The following FRS2 variants were observed in gnomAD, a reference collection of about 807,000 sequenced individuals.
The protein encoded by FRS2 is fibroblast growth factor receptor substrate 2.
A neutral mutation model predicts 43.9 loss-of-function variants in FRS2; 8 were observed. That is an observed-to-expected ratio of 0.18 (90% CI 0.11 to 0.33). The LOEUF is 0.33. Ranked by LOEUF, FRS2 falls within the 10% of genes least tolerant of loss-of-function variation. The probability of loss-of-function intolerance (pLI) is 1.00; values close to 1 mark genes in which losing one functional copy is unlikely to be tolerated. For synonymous variants in FRS2, 219 were observed against 220.3 expected, an observed-to-expected ratio of 0.99 and a Z score of 0.05; for missense variants, 534 against 627.6, an observed-to-expected ratio of 0.85 and a Z score of 1.59.
At chr12:69,544,067 C>T (rs1747890978) in intron 3 of FRS2, among the ~76,000 whole-genome samples, 1 of 85,406 alleles carries the variant, frequency 1.2e-5, no homozygotes. Context: ...ATCTCTGTCT[C>T]ATTTTGTGGG....
intron 1 of FRS2, among the ~76,000 whole-genome samples, chr12:69,521,805 G>A (rs529029184): frequency 3.1e-3 from 466 of 152,110 alleles, no homozygotes; most frequent in African/African-American, 0.01. Context: ...TAGTAGAGAC[G>A]GGATTTCACT....
At chr12:69,573,304 CTT>C (rs1451726986) in intron 8 of FRS2, among the ~76,000 whole-genome samples, 14 of 152,050 alleles carry the variant, frequency 9.2e-5, no homozygotes, top group Non-Finnish European at 1.8e-4. Context: ...TAAGGATAAA[CTT>C]ATCTCTTTTC....
intron 3 of FRS2, among the ~76,000 whole-genome samples, chr12:69,560,865 C>T (rs1264914063): frequency 1.3e-5 from 2 of 152,110 alleles, no homozygotes; most frequent in Non-Finnish European, 2.9e-5. Context: ...ATATGTTTAA[C>T]TTCATTTCAA....
At chr12:69,522,234 G>C (rs939657006) in intron 1 of FRS2, among the ~76,000 whole-genome samples, 1 of 145,954 alleles carries the variant, frequency 6.9e-6, no homozygotes, top group Non-Finnish European at 1.5e-5. Flanking sequence ...GTGTGTGTGT[G>C]TGTCTCTGCC....
chr12:69,491,327 C>T (rs1167927523), intron 1 of FRS2, among the ~76,000 whole-genome samples: 1 of 152,086 alleles, frequency 6.6e-6, no homozygotes, highest in Non-Finnish European at 1.5e-5. Context: ...AACACCTGAG[C>T]TCCAGCGACC....
intron 1 of FRS2, among the ~76,000 whole-genome samples, chr12:69,510,183 C>T (rs1874326233): frequency 6.6e-6 from 1 of 152,126 alleles, no homozygotes; most frequent in Non-Finnish European, 1.5e-5. Context: ...CCTGACCCAT[C>T]TGTGGAGAAT....
At chr12:69,523,036 G>A (rs497131) in intron 1 of FRS2, among the ~76,000 whole-genome samples, 14,205 of 152,234 alleles carry the variant, frequency 0.093, 872 homozygotes, top group Non-Finnish European at 0.14. Context: ...GCCGTATGGC[G>A]ATAAGAAGAA....
intron 3 of FRS2, among the ~76,000 whole-genome samples, chr12:69,541,641 A>G (rs2135705708): frequency 6.6e-6 from 1 of 152,122 alleles, no homozygotes; most frequent in East Asian, 1.9e-4. Flanking sequence ...GCCTGGCAAC[A>G]TGGCGAAACT....
chr12:69,552,257 A>G (rs569550846), intron 3 of FRS2, among the ~76,000 whole-genome samples: 42 of 131,078 alleles, frequency 3.2e-4, no homozygotes, highest in African/African-American at 1.1e-3. Flanking sequence ...AGCCAAGATC[A>G]TGCCATTGCA....
At chr12:69,515,919 A>G (rs924489598) in intron 1 of FRS2, among the ~76,000 whole-genome samples, 6 of 141,796 alleles carry the variant, frequency 4.2e-5, no homozygotes, top group African/African-American at 1.6e-4. Flanking sequence ...AAGGTGTCAT[A>G]TCTAGGAGAA....
chr12:69,540,938 G>A (rs192057273), intron 3 of FRS2, among the ~76,000 whole-genome samples: 5 of 152,214 alleles, frequency 3.3e-5, no homozygotes, highest in East Asian at 1.9e-4. Context: ...GAGAGGAGAG[G>A]CATTCTACAA....
Position 69,574,523 on chromosome 12 carries a change from T to G in FRS2, c.1095T>G (p.Ser365Arg). Residue 365 changes from serine (S) to arginine (R), a missense_variant, in exon 9 of 9, where the codon AGT becomes AGG. Ser to Arg is a moderately radical substitution (Grantham distance 110). Coordinates refer to ENST00000549921, the MANE Select transcript of FRS2 (RefSeq NM_001278356.2). ...CTGTTTGGGAAGCCCGCAAGCTAAGTAGGGATGAAGATGACAATTTAGGAC... is the reference window on the plus strand; with the variant it reads ...CTGTTTGGGAAGCCCGCAAGCTAAGGAGGGATGAAGATGACAATTTAGGAC... ...LPPVWEARKL[S>R]RDEDDNLGPK... The G allele has an allele frequency of 6.2e-7, 1 of 1,614,094 alleles. No homozygotes were observed. Among genetic ancestry groups the G allele is most frequent in the Non-Finnish European group, 8.5e-7 (1 of 1,180,002 alleles).
intron 1 of FRS2, among the ~76,000 whole-genome samples, chr12:69,526,045 G>C (rs950484517): frequency 6.6e-6 from 1 of 152,034 alleles, no homozygotes; most frequent in Non-Finnish European, 1.5e-5. Context: ...TTTTAGTAGA[G>C]ACGGGTTTCA....
Position 69,573,119 on chromosome 12 carries a change from C to G in FRS2, c.576+838C>G, listed in dbSNP as rs576300128. Among the ~76,000 whole-genome samples, 5 of 152,374 alleles carry G rather than the reference C, an allele frequency of 3.3e-5. No homozygotes were observed. The East Asian group carries it at 9.6e-4, about 29-fold the overall frequency. ...AAGTGTTGGGATTACAGGCGTGAGC[C>G]ACTGTGCCCGACCCTTGTAAATATT... On this transcript the variant is annotated intron_variant, in intron 8 of 8. Transcript: ENST00000549921.
intron 1 of FRS2, among the ~76,000 whole-genome samples, chr12:69,518,404 T>C (rs1875277318): frequency 4.4e-5 from 1 of 22,858 alleles, no homozygotes; most frequent in Non-Finnish European, 1.3e-4. Flanking sequence ...AAAGGCAGAT[T>C]TTTTTTTTTT....
chr12:69,499,492 C>T (rs1430337513), intron 1 of FRS2, among the ~76,000 whole-genome samples: 2 of 152,138 alleles, frequency 1.3e-5, no homozygotes, highest in African/African-American at 4.8e-5. Flanking sequence ...TTAGGGCATT[C>T]CTTTTCAAAT....
chr12:69,523,672 G>A (rs1203709635), intron 1 of FRS2, among the ~76,000 whole-genome samples: 2 of 152,132 alleles, frequency 1.3e-5, no homozygotes, highest in African/African-American at 4.8e-5. Flanking sequence ...AGTGTCACTG[G>A]TCTATGTACT....
rs188702218 is a variant in FRS2, at chr12:69,514,163, T to C, written c.-260-16702T>C. 3.3e-5 allele frequency among the ~76,000 whole-genome samples: 5 copies of C among 152,198 alleles called. No individual in the cohort carries two copies. In the East Asian group the frequency reaches 7.7e-4, roughly 24 times the overall value. On this transcript the variant is annotated intron_variant, in intron 1 of 8. Coordinates refer to ENST00000549921, the MANE Select transcript of FRS2 (RefSeq NM_001278356.2). Reference sequence around the variant, plus strand: ...AAATCAAATATGTTTTAAAAGGAAATTGGGTAGAGCTCAGTGGCTTATCAA... The same window carrying C: ...AAATCAAATATGTTTTAAAAGGAAACTGGGTAGAGCTCAGTGGCTTATCAA...
chr12:69,508,293 A>T (rs932163584), intron 1 of FRS2, among the ~76,000 whole-genome samples: 5 of 152,208 alleles, frequency 3.3e-5, no homozygotes, highest in African/African-American at 1.2e-4. Context: ...CTTTTATAAA[A>T]TATATCCAAA....
Sources: allele counts gnomAD v4.1 joint callset (sites outside exome capture counted in the v4.1 genomes callset), GRCh38; gene constraint gnomAD v4.1.1; transcripts MANE v1.5; gene names NCBI Gene and HGNC (gene_info 2026-07-23, HGNC 2026-07-21).